ATRX: variants seen among roughly 807,000 people sequenced by gnomAD.
ATRX encodes the protein ATRX chromatin remodeler.
In ATRX, 12 loss-of-function variants were observed where a neutral mutation model predicts 172.6. The ratio of observed to expected loss-of-function variants is 0.07; its 90% CI spans 0.04 to 0.11. The LOEUF (loss-of-function observed/expected upper bound fraction) is 0.11, where lower values mean the gene tolerates loss of function less well. Ranked by LOEUF, ATRX falls within the 10% of genes least tolerant of loss-of-function variation. ATRX has a pLI of 1.00. For missense variants in ATRX, 1,368 were observed against 1,767.4 expected, an observed-to-expected ratio of 0.77 and a Z score of 4.05; for synonymous variants, 674 against 594.7, an observed-to-expected ratio of 1.13 and a Z score of -1.94.
chrX:77,631,792 T>C (rs1191309962), intron 19 of ATRX, among the ~76,000 whole-genome samples: 1 of 111,343 alleles, frequency 9.0e-6, no homozygotes, highest in Non-Finnish European at 1.9e-5. Context: ...TGTAGAACCC[T>C]GGATAGAAAA....
intron 10 of ATRX, among the ~76,000 whole-genome samples, chrX:77,665,945 G>A (rs1381192210): frequency 9.0e-6 from 1 of 111,429 alleles, no homozygotes; most frequent in East Asian, 2.8e-4. Flanking sequence ...TTCTTAGCAC[G>A]CACCCACATT....
intron 1 of ATRX, among the ~76,000 whole-genome samples, chrX:77,723,263 T>C (rs1450178802): frequency 2.7e-5 from 3 of 111,012 alleles, no homozygotes; most frequent in African/African-American, 9.8e-5. Flanking sequence ...CAAACCACCA[T>C]GGCACGTGTA....
chrX:77,706,748 A>T lies in ATRX; in HGVS notation c.134-8119T>A, dbSNP rs561413715. Among the ~76,000 whole-genome samples, 93 of 110,200 alleles carry T rather than the reference A, an allele frequency of 8.4e-4. 1 individual carries two copies. Among genetic ancestry groups the T allele is most frequent in the Middle Eastern group, 4.6e-3 (1 of 218 alleles). ...GACCTCATCTCTAAAAAATAAAAAA[A>T]AAAAAATACTAGCCAGACATGGTGG... On this transcript the variant is annotated intron_variant, in intron 2 of 34. Coordinates refer to ENST00000373344, the MANE Select transcript of ATRX (RefSeq NM_000489.6).
intron 22 of ATRX, among the ~76,000 whole-genome samples, chrX:77,612,006 A>C (rs1431644032): frequency 8.9e-6 from 1 of 112,175 alleles, no homozygotes; most frequent in East Asian, 2.8e-4. Context: ...AATGTATATA[A>C]CAAGTAAAAT....
At chrX:77,627,467 T>G (rs782530960) in intron 19 of ATRX, among the ~76,000 whole-genome samples, 1 of 110,838 alleles carries the variant, frequency 9.0e-6, no homozygotes, top group Non-Finnish European at 1.9e-5. Context: ...GGCTCACACC[T>G]GTAATGCCAG....
At chrX:77,714,198 C>T (rs1557163352) in intron 2 of ATRX, among the ~76,000 whole-genome samples, 1 of 110,579 alleles carries the variant, frequency 9.0e-6, no homozygotes, top group Admixed American at 9.7e-5. Flanking sequence ...GACCTCTAAC[C>T]GATTATCATA....
intron 26 of ATRX, among the ~76,000 whole-genome samples, chrX:77,593,142 T>C (rs781859245): frequency 1.6e-4 from 17 of 107,084 alleles, no homozygotes; most frequent in Admixed American, 3.0e-4. Flanking sequence ...GAGGATCACC[T>C]GAGCCTGGGA....
chrX:77,614,718 T>C (rs781843761), intron 22 of ATRX, among the ~76,000 whole-genome samples: 7 of 111,868 alleles, frequency 6.3e-5, no homozygotes, highest in Admixed American at 9.5e-5. Flanking sequence ...TTTTTATATG[T>C]TGGAAACATT....
In ATRX at chrX:77,683,862, G is replaced by A. The variant is rs782653776; in HGVS notation, c.1394C>T (p.Ser465Leu). The A allele has an allele frequency of 4.1e-6, 5 of 1,208,214 alleles. No homozygotes were observed. Among genetic ancestry groups the A allele is most frequent in the Non-Finnish European group, 5.6e-6 (5 of 893,675 alleles). ...GTGCTCACTATCTACCTGTTTTCTT[G>A]AAAGTTTAGCTTCTGACTTTGAAAT... ...KDISKSEAKL[S>L]RKQVDSEHMH... The change falls in exon 9 of 35, where the codon TCA becomes TTA. Residue 465 changes from serine (S) to leucine (L), a missense_variant. Ser to Leu is a moderately radical substitution (Grantham distance 145). Transcript: ENST00000373344.
At chrX:77,740,987 G>C (rs1603297230) in intron 1 of ATRX, among the ~76,000 whole-genome samples, 1 of 109,570 alleles carries the variant, frequency 9.1e-6, no homozygotes, top group East Asian at 2.9e-4. Context: ...AGGCTCACTT[G>C]AGCCCAGGAG....
chrX:77,677,147 T>C (rs906049020), intron 9 of ATRX, among the ~76,000 whole-genome samples: 6 of 111,256 alleles, frequency 5.4e-5, no homozygotes, highest in East Asian at 5.6e-4. Context: ...GGTTAAGATT[T>C]GGGCATTTCA....
intron 1 of ATRX, among the ~76,000 whole-genome samples, chrX:77,766,041 A>T (rs1232051759): frequency 4.5e-5 from 5 of 112,233 alleles, no homozygotes; most frequent in Non-Finnish European, 9.4e-5. Flanking sequence ...CCCAAGGCAG[A>T]AGAATTTTTC....
chrX:77,541,648 C>T (rs1414423047), intron 30 of ATRX, among the ~76,000 whole-genome samples: 1 of 112,120 alleles, frequency 8.9e-6, no homozygotes, highest in East Asian at 2.8e-4. Context: ...CCCTGCAATA[C>T]ATGGCTAGTT....
intron 1 of ATRX, among the ~76,000 whole-genome samples, chrX:77,738,232 G>A (rs2074685910): frequency 9.3e-6 from 1 of 107,795 alleles, no homozygotes; most frequent in Admixed American, 1.0e-4. Flanking sequence ...CTACTCAGGA[G>A]GCTGAGGTGG....
chrX:77,721,702 C>T (rs1267983386), intron 1 of ATRX, among the ~76,000 whole-genome samples: 1 of 111,846 alleles, frequency 8.9e-6, no homozygotes, highest in Non-Finnish European at 1.9e-5. Flanking sequence ...ACATTCCATG[C>T]TCATGGATAG....
chrX:77,684,881 G>C (rs1262408775), intron 8 of ATRX, 58 bp downstream of exon 8: 18 of 1,007,698 alleles, frequency 1.8e-5, no homozygotes, highest in Non-Finnish European at 2.1e-5. Context: ...AAATGATTAT[G>C]TAACAATTCC....
chrX:77,604,523 T>C (rs2066823448), intron 22 of ATRX, among the ~76,000 whole-genome samples: 1 of 112,109 alleles, frequency 8.9e-6, no homozygotes, highest in South Asian at 3.6e-4. Flanking sequence ...GGAAAGAGAA[T>C]ATGTTTACAC....
intron 10 of ATRX, among the ~76,000 whole-genome samples, chrX:77,667,416 T>C (rs781939929): frequency 1.9e-4 from 21 of 108,767 alleles, no homozygotes; most frequent in African/African-American, 6.0e-4. Context: ...CAAGATCTCA[T>C]ACCATCATTT....
At chrX:77,517,429 G>A (rs950934109) in intron 34 of ATRX, among the ~76,000 whole-genome samples, 1 of 111,265 alleles carries the variant, frequency 9.0e-6, no homozygotes, top group African/African-American at 3.3e-5. Context: ...TAGAAGAAAT[G>A]GATAAATTCC....
Sources: allele counts gnomAD v4.1 joint callset (sites outside exome capture counted in the v4.1 genomes callset), GRCh38; gene constraint gnomAD v4.1.1; transcripts MANE v1.5; gene names NCBI Gene and HGNC (gene_info 2026-07-23, HGNC 2026-07-21).